CRK: variants seen among roughly 807,000 people sequenced by gnomAD.
CRK encodes CRK proto-oncogene, adaptor protein.
Under a neutral mutation model 29.8 loss-of-function variants are expected in CRK, and 4 were observed. The ratio of observed to expected loss-of-function variants is 0.13; its 90% CI spans 0.07 to 0.31. CRK has a LOEUF of 0.31. CRK is among the 10% of genes least tolerant of loss of function. The pLI is 1.00. For missense variants in CRK, 274 were observed against 396.5 expected (o/e 0.69, Z 2.62); for synonymous variants, 153 against 164.9 (o/e 0.93, Z 0.55).
At chr17:1,426,159 C>T (rs2073777466) in intron 2 of CRK, 1 of 152,168 alleles carries the variant, frequency 6.6e-6, no homozygotes, top group African/African-American at 2.4e-5. Context: ...GCCCCCTAGC[C>T]TGGGCAACAA....
chr17:1,438,911 T>C (rs979394063), intron 1 of CRK, among the ~76,000 whole-genome samples: 2 of 150,678 alleles, frequency 1.3e-5, no homozygotes, highest in Non-Finnish European at 2.9e-5. Context: ...GGCATGATCA[T>C]AGCTAACTGC....
At chr17:1,430,263 C>T (rs1325040563) in intron 2 of CRK, among the ~76,000 whole-genome samples, 9 of 151,752 alleles carry the variant, frequency 5.9e-5, no homozygotes, top group African/African-American at 2.2e-4. Flanking sequence ...AGGCTGGTCT[C>T]GAATTCCTGA....
chr17:1,431,289 G>T (rs1428238803), intron 2 of CRK, among the ~76,000 whole-genome samples: 2 of 152,162 alleles, frequency 1.3e-5, no homozygotes, highest in South Asian at 4.1e-4. Context: ...AGAGGAAGAA[G>T]GCCGGAGGGG....
At chr17:1,450,883 T>C (rs1034451833) in intron 1 of CRK, among the ~76,000 whole-genome samples, 3 of 150,496 alleles carry the variant, frequency 2.0e-5, no homozygotes, top group African/African-American at 7.4e-5. Flanking sequence ...CGAAACTCCC[T>C]CTCAAACAAA....
intron 2 of CRK, among the ~76,000 whole-genome samples, chr17:1,431,304 G>A (rs1210192971): frequency 4.6e-5 from 7 of 152,002 alleles, no homozygotes; most frequent in Admixed American, 2.0e-4. Context: ...GAGGGGGTGG[G>A]GCATTCTAAG....
At position 1,450,324 on chromosome 17, in the gene CRK, C is replaced by T. The variant is rs572223197; in HGVS notation, c.241+5553G>A. On this transcript the variant is annotated intron_variant, in intron 1 of 2. Coordinates refer to ENST00000300574, the MANE Select transcript of CRK (RefSeq NM_016823.4). ...GAGCTCAAGACCATCCTGGCTAACA[C>T]GGTGAAACACCTCTCTACTAAAAAT... 1.4e-3 allele frequency among the ~76,000 whole-genome samples: 216 copies of T among 151,992 alleles called. 1 individual carries two copies. In the South Asian group the frequency reaches 0.026, roughly 19 times the overall value.
chr17:1,430,638 T>G (rs1254536714), intron 2 of CRK, among the ~76,000 whole-genome samples: 2 of 150,694 alleles, frequency 1.3e-5, no homozygotes, highest in Non-Finnish European at 3.0e-5. Context: ...GTGCTGGGAT[T>G]ACAGGCGTGA....
intron 2 of CRK, among the ~76,000 whole-genome samples, chr17:1,428,681 G>A (rs1034196178): frequency 4.6e-5 from 7 of 150,668 alleles, no homozygotes; most frequent in South Asian, 2.1e-4. Flanking sequence ...GTGCCACCAC[G>A]CCCTGCTAAT....
chr17:1,447,776 C>T (rs1445614525), intron 1 of CRK, among the ~76,000 whole-genome samples: 1 of 152,026 alleles, frequency 6.6e-6, no homozygotes, highest in African/African-American at 2.4e-5. Flanking sequence ...ACCACCACAC[C>T]TGGCTAATTC....
At chr17:1,444,400 G>A (rs1417149825) in intron 1 of CRK, among the ~76,000 whole-genome samples, 2 of 152,152 alleles carry the variant, frequency 1.3e-5, no homozygotes, top group Admixed American at 6.6e-5. Flanking sequence ...AGGGTGGTGC[G>A]CGCCTTTAGT....
intron 1 of CRK, among the ~76,000 whole-genome samples, chr17:1,451,598 A>AG (rs1374380604): frequency 6.6e-6 from 1 of 152,170 alleles, no homozygotes; most frequent in Non-Finnish European, 1.5e-5. Context: ...ATGTGCCTGT[A>AG]GTCCCAGCTA....
intron 2 of CRK, chr17:1,424,706 A>AG (rs1189527010): frequency 1.3e-5 from 2 of 152,206 alleles, no homozygotes; most frequent in African/African-American, 4.8e-5. Context: ...TTACCCAATG[A>AG]GGGGTCAAAA....
chr17:1,435,109 G>C (rs538588293), intron 2 of CRK, among the ~76,000 whole-genome samples: 155 of 152,160 alleles, frequency 1.0e-3, no homozygotes, highest in African/African-American at 3.6e-3. Context: ...GCCCAGGCTG[G>C]AGTGCAGTGT....
intron 2 of CRK, among the ~76,000 whole-genome samples, chr17:1,435,317 G>C (rs916107765): frequency 1.2e-4 from 19 of 152,074 alleles, no homozygotes; most frequent in African/African-American, 4.6e-4. Flanking sequence ...CTCCCAAGGT[G>C]CTGGGATTAC....
Position 1,442,685 on chromosome 17 carries a change from G to A in CRK, c.242-5530C>T, listed in dbSNP as rs533424520. On this transcript the variant is annotated intron_variant, in intron 1 of 2. Transcript: ENST00000300574. ...TGCAGTGGCTGGATGTCGGCTCACT[G>A]CAACCTCCACCCTCTGTGTTCAAGC... is the stretch of plus-strand genomic sequence containing the variant. 1.6e-3 allele frequency among the ~76,000 whole-genome samples: 223 copies of A among 139,910 alleles called. 1 individual carries two copies. Among genetic ancestry groups the A allele is most frequent in the African/African-American group, 5.4e-3 (205 of 37,628 alleles). The allele number at this position is 139,910 out of a possible 152,430, so 91.8% of individuals were successfully genotyped here.
Position 1,421,290 on chromosome 17 carries a change from AGG to A in CRK, c.*2221_*2222del, listed in dbSNP as rs2073721916. ...CATTACAAGCCAATATCAAAGTCAA[AGG>A]AAAAGAAAATAGGAACATTCAAATC... On this transcript the variant is annotated 3_prime_UTR_variant, in exon 3 of 3. Coordinates refer to ENST00000300574, the MANE Select transcript of CRK (RefSeq NM_016823.4). 4.4e-5 allele frequency: 2 copies of A among 45,976 alleles called. No individual in the cohort carries two copies. Among genetic ancestry groups the A allele is most frequent in the Non-Finnish European group, 1.4e-4 (2 of 14,384 alleles). 2.8% of individuals were successfully genotyped at this position (45,976 alleles called of 1,614,324 possible).
rs574553623 is a variant in CRK, at chr17:1,427,406, A to G, written c.778-3756T>C. Among the ~76,000 whole-genome samples the G allele has an allele frequency of 6.6e-5, 10 of 151,968 alleles. 1 individual carries two copies. Among genetic ancestry groups the G allele is most frequent in the African/African-American group, 2.4e-4 (10 of 41,522 alleles). On this transcript the variant is annotated intron_variant, in intron 2 of 2. Coordinates refer to ENST00000300574, the MANE Select transcript of CRK (RefSeq NM_016823.4). ...CAGGAGATCCAGACCATCCTGGCTAACACGGTGAAACCCCGTCTCTACTAA... is the reference window on the plus strand; with the variant it reads ...CAGGAGATCCAGACCATCCTGGCTAGCACGGTGAAACCCCGTCTCTACTAA...
At chr17:1,432,588 T>G (rs2073854433) in intron 2 of CRK, among the ~76,000 whole-genome samples, 1 of 148,226 alleles carries the variant, frequency 6.7e-6, no homozygotes, top group Non-Finnish European at 1.5e-5. Flanking sequence ...CCATCCTGGC[T>G]AACACGGTGA....
At chr17:1,435,891 GAAGA>G (rs1241069067) in intron 2 of CRK, among the ~76,000 whole-genome samples, 1 of 152,084 alleles carries the variant, frequency 6.6e-6, no homozygotes, top group South Asian at 2.1e-4. Context: ...GAGGAAGGAA[GAAGA>G]AAGGAAGGAG....
Sources: gnomAD v4.1 joint callset for allele counts (sites outside exome capture counted in the v4.1 genomes callset) on GRCh38, gnomAD v4.1.1 for gene constraint, MANE v1.5 for transcripts, NCBI Gene and HGNC (gene_info 2026-07-23, HGNC 2026-07-21) for gene names.